Variants in FAM174C observed in about 807,000 individuals in gnomAD.
The protein encoded by FAM174C is family with sequence similarity 174 member C.
FAM174C carries 19 observed loss-of-function variants against 12.3 expected under a neutral mutation model. The ratio of observed to expected loss-of-function variants is 1.55; its 90% CI spans 1.08 to 2.27. The LOEUF (loss-of-function observed/expected upper bound fraction) is 2.27, where lower values mean the gene tolerates loss of function less well. Among genes scored for constraint, FAM174C ranks in the 30% most tolerant of loss-of-function variants. The pLI is 0.00. For missense variants in FAM174C, 239 were observed against 190.2 expected (o/e 1.26, Z -1.51); for synonymous variants, 147 against 103.5 (o/e 1.42, Z -2.55).
Position 1,275,841 on chromosome 19 carries a change from C to A in FAM174C, c.281+11C>A, listed in dbSNP as rs545139047. ...GATCCGGGCGTTTAGGTGCGTCAGGCGCACGTGGGCGCCGTCTCTCAGCCT... is the reference window on the plus strand; with the variant it reads ...GATCCGGGCGTTTAGGTGCGTCAGGAGCACGTGGGCGCCGTCTCTCAGCCT... On this transcript the variant is annotated intron_variant, in intron 1 of 2. Coordinates refer to ENST00000409293, the MANE Select transcript of FAM174C (RefSeq NM_017914.4). The A allele has an allele frequency of 1.6e-5, 25 of 1,534,294 alleles. No homozygotes were observed. Among genetic ancestry groups the A allele is most frequent in the Non-Finnish European group, 2.0e-5 (23 of 1,145,654 alleles).
Position 1,279,019 on chromosome 19 carries a change from G to C in FAM174C, c.*242G>C, listed in dbSNP as rs374471948. The C allele has an allele frequency of 1.2e-6, 2 of 1,611,686 alleles. No homozygotes were observed. Among genetic ancestry groups the C allele is most frequent in the Admixed American group, 1.7e-5 (1 of 60,024 alleles). ...TCCTGGATGCTGTCCCAGCCTGGCC[G>C]AGGGTCCCAGGTGAAGACTGGAGGG... On this transcript the variant is annotated 3_prime_UTR_variant, in exon 3 of 3. Coordinates refer to ENST00000409293, the MANE Select transcript of FAM174C (RefSeq NM_017914.4).
chr19:1,279,039 G>A lies in FAM174C; in HGVS notation c.*262G>A, dbSNP rs750729560. On this transcript the variant is annotated 3_prime_UTR_variant, in exon 3 of 3. Coordinates refer to ENST00000409293, the MANE Select transcript of FAM174C (RefSeq NM_017914.4). ...TGGCCGAGGGTCCCAGGTGAAGACT[G>A]GAGGGACCCCAACAGCCACCGCCCA... is the stretch of plus-strand genomic sequence containing the variant. 2.4e-5 allele frequency: 38 copies of A among 1,611,632 alleles called. No individual in the cohort carries two copies. Among genetic ancestry groups the A allele is most frequent in the Non-Finnish European group, 5.1e-6 (6 of 1,179,996 alleles).
chr19:1,275,856 T>C, intron 1 of FAM174C, 26 bp downstream of exon 1: 20 of 1,530,174 alleles, frequency 1.3e-5, no homozygotes, highest in Non-Finnish European at 1.7e-5. Context: ...GTGGGCGCCG[T>C]CTCTCAGCCT....
chr19:1,275,543 C>T lies in FAM174C; in HGVS notation c.-7C>T. On this transcript the variant is annotated 5_prime_UTR_variant, in exon 1 of 3. Transcript: ENST00000409293. ...GGGCGGGGCGCCGCCACCGCTTCCG[C>T]CGGGCCATGGGGCCGCGCGTGCTGC... 1 of 1,206,786 alleles carries T rather than the reference C, an allele frequency of 8.3e-7. No individual in the cohort carries two copies. Among genetic ancestry groups the T allele is most frequent in the Non-Finnish European group, 1.0e-6 (1 of 972,312 alleles). The allele number at this position is 1,206,786 out of a possible 1,614,324, so 74.8% of individuals were successfully genotyped here. A position where few individuals can be genotyped will look rare whatever the true frequency, so the allele number is the denominator to read the frequency against.
rs1216500338 is a variant in FAM174C at position 1,275,599 on chromosome 19, TGCTGCTGGCGGC to T, written c.56_67del (p.Leu19_Leu22del). 9 of 1,248,132 alleles carry T rather than the reference TGCTGCTGGCGGC, an allele frequency of 7.2e-6. No individual in the cohort carries two copies. Among genetic ancestry groups the T allele is most frequent in the South Asian group, 3.2e-5 (1 of 30,808 alleles). 77.3% of individuals were successfully genotyped at this position (1,248,132 alleles called of 1,614,324 possible). ...CCGCTGCTGCTGCTCCTGCTGGCGCTGCTGCTGGCGGCGCTGCCGTGCGGTGCCGAAGAGGCC... is the reference window on the plus strand; with the variant it reads ...CCGCTGCTGCTGCTCCTGCTGGCGCTGCTGCCGTGCGGTGCCGAAGAGGCC... On this transcript the variant is annotated inframe_deletion, in exon 1 of 3. Transcript: ENST00000409293.
chr19:1,277,595 C>G (rs1454235815), intron 2 of FAM174C, among the ~76,000 whole-genome samples: 4 of 151,864 alleles, frequency 2.6e-5, no homozygotes, highest in African/African-American at 9.7e-5. Context: ...CACAGCCTCC[C>G]GAGTAGCTGG....
chr19:1,275,549 C>T lies in FAM174C; in HGVS notation c.-1C>T, dbSNP rs1225302815. The T allele has an allele frequency of 8.2e-7, 1 of 1,212,998 alleles. No individual in the cohort carries two copies. 75.1% of individuals were successfully genotyped at this position (1,212,998 alleles called of 1,614,324 possible). A position where few individuals can be genotyped will look rare whatever the true frequency, so the allele number is the denominator to read the frequency against. On this transcript the variant is annotated 5_prime_UTR_variant, in exon 1 of 3. Transcript: ENST00000409293. ...GGCGCCGCCACCGCTTCCGCCGGGC[C>T]ATGGGGCCGCGCGTGCTGCAGCCGC...
At position 1,278,849 on chromosome 19, in the gene FAM174C, C is replaced by T. The variant is rs1600044522; in HGVS notation, c.*72C>T. The T allele has an allele frequency of 1.2e-6, 2 of 1,612,986 alleles. No individual in the cohort carries two copies. The highest frequency in any genetic ancestry group is 2.2e-5 in the East Asian group (1 of 44,884). On this transcript the variant is annotated 3_prime_UTR_variant, in exon 3 of 3. Transcript: ENST00000409293. ...AGGAGATGGGGCCCACCCCAGTGCC[C>T]AGCAACCCCCTGCTCCACCGCTCAT...
chr19:1,277,374 G>A, intron 2 of FAM174C, 75 bp downstream of exon 2: 1 of 1,502,196 alleles, frequency 6.7e-7, no homozygotes, highest in Non-Finnish European at 9.0e-7. Context: ...CTGGGGACTT[G>A]GCCAAGCCAT....
In FAM174C at chr19:1,277,102, G is replaced by A. The variant is rs1421947067; in HGVS notation, c.282-81G>A. On this transcript the variant is annotated intron_variant, in intron 1 of 2. Coordinates refer to ENST00000409293, the MANE Select transcript of FAM174C (RefSeq NM_017914.4). ...AGCAGGGCTCGGGGCTCCAGTAGAG[G>A]ACGGCAATGAGAGTCCTGAGGGAAG... 6.1e-6 allele frequency: 9 copies of A among 1,484,930 alleles called. No individual in the cohort carries two copies. In the East Asian group the frequency reaches 1.5e-4, roughly 25 times the overall value. 92.0% of individuals were successfully genotyped at this position (1,484,930 alleles called of 1,614,324 possible).
intron 2 of FAM174C, 84 bp downstream of exon 2, chr19:1,277,383 A>T: frequency 3.4e-6 from 5 of 1,486,236 alleles, no homozygotes; most frequent in Non-Finnish European, 4.5e-6. Context: ...TGGCCAAGCC[A>T]TGGAGTGGTC....
Position 1,279,058 on chromosome 19 carries a change from C to G in FAM174C, c.*281C>G, listed in dbSNP as rs780657132. ...AAGACTGGAGGGACCCCAACAGCCA[C>G]CGCCCAGGACGCTGAGGCTCCCTTG... On this transcript the variant is annotated 3_prime_UTR_variant, in exon 3 of 3. Coordinates refer to ENST00000409293, the MANE Select transcript of FAM174C (RefSeq NM_017914.4). The G allele has an allele frequency of 3.1e-6, 5 of 1,611,886 alleles. No homozygotes were observed. Among genetic ancestry groups the G allele is most frequent in the Non-Finnish European group, 4.2e-6 (5 of 1,179,988 alleles).
chr19:1,275,627 C>T lies in FAM174C; in HGVS notation c.78C>T (p.Ala26=), dbSNP rs2081408386. ...ALLLAALPCG[A]EEASPLRPAQ... Reference sequence around the variant, plus strand: ...TGCTGGCGGCGCTGCCGTGCGGTGCCGAAGAGGCCTCGCCGCTGCGCCCCG... The same window carrying T: ...TGCTGGCGGCGCTGCCGTGCGGTGCTGAAGAGGCCTCGCCGCTGCGCCCCG... The change falls in exon 1 of 3, where the codon GCC becomes GCT. Residue 26 remains alanine (A), a synonymous_variant. Coordinates refer to ENST00000409293, the MANE Select transcript of FAM174C (RefSeq NM_017914.4). The T allele has an allele frequency of 2.9e-6, 4 of 1,359,238 alleles. No individual in the cohort carries two copies. The highest frequency in any genetic ancestry group is 1.5e-5 in the African/African-American group (1 of 64,788). 84.2% of individuals were successfully genotyped at this position (1,359,238 alleles called of 1,614,324 possible).
Position 1,279,190 on chromosome 19 carries a change from C to G in FAM174C, c.*413C>G, listed in dbSNP as rs374967920. On this transcript the variant is annotated 3_prime_UTR_variant, in exon 3 of 3. Coordinates refer to ENST00000409293, the MANE Select transcript of FAM174C (RefSeq NM_017914.4). ...AGGAACCTTTCTGGGAACACCTTCT[C>G]GCCGGGCTGGGAACAATAAATGCAG... 1.9e-6 allele frequency: 3 copies of G among 1,611,804 alleles called. No individual in the cohort carries two copies. Among genetic ancestry groups the G allele is most frequent in the Admixed American group, 1.7e-5 (1 of 59,952 alleles).
chr19:1,275,845 C>G lies in FAM174C; in HGVS notation c.281+15C>G. On this transcript the variant is annotated intron_variant, in intron 1 of 2. Transcript: ENST00000409293. ...CGGGCGTTTAGGTGCGTCAGGCGCACGTGGGCGCCGTCTCTCAGCCTTGGC... is the reference window on the plus strand; with the variant it reads ...CGGGCGTTTAGGTGCGTCAGGCGCAGGTGGGCGCCGTCTCTCAGCCTTGGC... 6.5e-7 allele frequency: 1 copy of G among 1,534,084 alleles called. No homozygotes were observed. Among genetic ancestry groups the G allele is most frequent in the Non-Finnish European group, 8.7e-7 (1 of 1,145,504 alleles).
chr19:1,275,857 C>G (rs1163378317), intron 1 of FAM174C, 27 bp downstream of exon 1: 1 of 1,530,656 alleles, frequency 6.5e-7, no homozygotes. Flanking sequence ...TGGGCGCCGT[C>G]TCTCAGCCTT....
chr19:1,275,851 C>T (rs1167203251), intron 1 of FAM174C, 21 bp downstream of exon 1: 8 of 1,533,048 alleles, frequency 5.2e-6, no homozygotes, highest in Non-Finnish European at 5.2e-6. Flanking sequence ...CGCACGTGGG[C>T]GCCGTCTCTC....
rs768755628 is a variant in FAM174C, at chr19:1,278,782, G to A, written c.*5G>A. ...CCTTGACCCCCTGCTTTCAGATGCT[G>A]AGCCAGGGAGGCGGCCCTTCCAGCA... On this transcript the variant is annotated 3_prime_UTR_variant, in exon 3 of 3. Coordinates refer to ENST00000409293, the MANE Select transcript of FAM174C (RefSeq NM_017914.4). 1 of 1,612,722 alleles carries A rather than the reference G, an allele frequency of 6.2e-7. No homozygotes were observed. The highest frequency in any genetic ancestry group is 1.7e-5 in the Admixed American group (1 of 60,016).
intron 1 of FAM174C, chr19:1,276,437 G>C (rs1032186502): frequency 6.5e-6 from 1 of 153,738 alleles, no homozygotes; most frequent in African/African-American, 2.4e-5. Context: ...CCTGGCCTGT[G>C]GCTCCAGTCT....
Sources: allele counts gnomAD v4.1 joint callset (sites outside exome capture counted in the v4.1 genomes callset), GRCh38; gene constraint gnomAD v4.1.1; transcripts MANE v1.5; gene names NCBI Gene and HGNC (gene_info 2026-07-23, HGNC 2026-07-21).